Variants in LRRK2 observed in about 807,000 individuals in gnomAD.
LRRK2 encodes leucine-rich repeat serine/threonine-protein kinase 2.
In LRRK2, 203 loss-of-function variants were observed where a neutral mutation model predicts 302.6. The observed-to-expected ratio is 0.67, with a 90% CI of 0.60 to 0.75. LRRK2 has a LOEUF of 0.75. LRRK2 is among the 30% of genes least tolerant of loss of function. The pLI is 0.00. For missense variants in LRRK2, 2,830 were observed against 2,951.0 expected (o/e 0.96, Z 0.95); for synonymous variants, 1,066 against 1,031.9 (o/e 1.03, Z -0.63).
intron 24 of LRRK2, among the ~76,000 whole-genome samples, chr12:40,298,721 G>A (rs1358760211): frequency 9.1e-5 from 13 of 142,566 alleles, no homozygotes; most frequent in South Asian, 2.2e-4. Context: ...GCAGTGAGCC[G>A]AGATCGTGCC....
At chr12:40,242,817 A>AAAAAAAAAAAAAAAAAAT (rs1941794337) in intron 6 of LRRK2, among the ~76,000 whole-genome samples, 1 of 126,162 alleles carries the variant, frequency 7.9e-6, no homozygotes, top group Non-Finnish European at 1.7e-5. Context: ...AAAAAAAAAA[A>AAAAAAAAAAAAAAAAAAT]GGTAAGCAAT....
Position 40,263,805 on chromosome 12 carries a change from C to T in LRRK2, c.1560C>T (p.Ser520=). Residue 520 remains serine (S), a synonymous_variant, in exon 14 of 51, where the codon TCC becomes TCT. Coordinates refer to ENST00000298910, the MANE Select transcript of LRRK2 (RefSeq NM_198578.4). ...HFIVPGMPEE[S]REDTEFHHKL... ...TGCATTTAGGCATGCCAGAAGAATC[C>T]AGGGAGGATACAGAATTTCATCATA... The T allele has an allele frequency of 6.2e-7, 1 of 1,611,882 alleles. No individual in the cohort carries two copies. The highest frequency in any genetic ancestry group is 8.5e-7 in the Non-Finnish European group (1 of 1,178,524).
Position 40,238,056 on chromosome 12 carries a change from A to C in LRRK2, c.524A>C (p.Glu175Ala). Residue 175 changes from glutamate (E) to alanine (A), a missense_variant, in exon 5 of 51, where the codon GAA becomes GCA. By Grantham distance (107) the Glu-to-Ala change is moderately radical (BLOSUM62 -1). Coordinates refer to ENST00000298910, the MANE Select transcript of LRRK2 (RefSeq NM_198578.4). ...ATGCACTCATTTCCAGCCAATGATG[A>C]AGTCCAGAAACTTGGATGCAAAGCT... The part of the protein sequence containing the change: ...DAMHSFPAND[E>A]VQKLGCKALH... 6.2e-7 allele frequency: 1 copy of C among 1,613,774 alleles called. No individual in the cohort carries two copies. Among genetic ancestry groups the C allele is most frequent in the Non-Finnish European group, 8.5e-7 (1 of 1,179,782 alleles).
In LRRK2 at chr12:40,232,171, G is replaced by A; in HGVS notation, c.238-103G>A. The A allele has an allele frequency of 1.1e-5, 9 of 838,876 alleles. 1 individual carries two copies. In the South Asian group the frequency reaches 1.1e-4, roughly 10 times the overall value. 52.0% of individuals were successfully genotyped at this position (838,876 alleles called of 1,614,324 possible). Reference sequence around the variant, plus strand: ...TTGTATAACCATTGTTTACAAGTGAGATAAGCATCTATTCCACTAAGATTG... The same window carrying A: ...TTGTATAACCATTGTTTACAAGTGAAATAAGCATCTATTCCACTAAGATTG... On this transcript the variant is annotated intron_variant, in intron 2 of 50. Transcript: ENST00000298910.
rs33949390 is a variant in LRRK2 at position 40,320,043 on chromosome 12, G to C, written c.4883G>C (p.Arg1628Pro). The C allele has an allele frequency of 9.7e-4, 1,559 of 1,611,674 alleles. 3 individuals are homozygous for C. In the East Asian group the frequency reaches 0.01, roughly 11 times the overall value. Residue 1628 changes from arginine to proline, a missense_variant, in exon 34 of 51, where the codon CGT (arginine) becomes CCT (proline). Physicochemically the swap from Arg to Pro is moderately radical, Grantham distance 103 (BLOSUM62 -2). This residue lies in a region of LRRK2 where 2,121 missense variants were observed against 2,148.0 expected (regional missense o/e 0.99). Transcript: ENST00000298910. ...CPKHPKGIIS[R>P]RDVEKFLSKK... ...AAACACCCTAAGGGCATTATTTCGC[G>C]TAGAGATGTGGAAAAATTTCTTTCA...
rs1387342621 is a variant in LRRK2, at chr12:40,320,979, A to C, written c.5016-55A>C. ...CTTTAAGCAGTAAAATCATTTGCTC[A>C]ACAAGGTTGGGTGTTTTGTGAGGCT... On this transcript the variant is annotated intron_variant, in intron 34 of 50. Coordinates refer to ENST00000298910, the MANE Select transcript of LRRK2 (RefSeq NM_198578.4). 9.4e-6 allele frequency: 15 copies of C among 1,590,892 alleles called. No individual in the cohort carries two copies. The East Asian group carries it at 2.9e-4, about 31-fold the overall frequency.
intron 28 of LRRK2, among the ~76,000 whole-genome samples, chr12:40,308,094 T>G (rs1944897461): frequency 6.6e-6 from 1 of 151,944 alleles, no homozygotes. Context: ...ATTTGTAGGG[T>G]TTTTCATACT....
chr12:40,363,615 C>G, intron 48 of LRRK2, 61 bp downstream of exon 48: 1 of 1,565,968 alleles, frequency 6.4e-7, no homozygotes, highest in Non-Finnish European at 8.7e-7. Context: ...TCATGTGTCA[C>G]AGAGGAAGGA....
chr12:40,338,437 T>A (rs1945940347), intron 40 of LRRK2, among the ~76,000 whole-genome samples: 1 of 152,220 alleles, frequency 6.6e-6, no homozygotes, highest in African/African-American at 2.4e-5. Flanking sequence ...ACTCTTACAA[T>A]AATCACAATC....
At chr12:40,364,461 A>G (rs546195537) in intron 48 of LRRK2, among the ~76,000 whole-genome samples, 90 of 151,930 alleles carry the variant, frequency 5.9e-4, no homozygotes, top group Non-Finnish European at 1.0e-3. Flanking sequence ...GTGAATGACT[A>G]TAATTTTATG....
chr12:40,310,947 C>G (rs892414425), intron 31 of LRRK2, among the ~76,000 whole-genome samples: 1 of 152,104 alleles, frequency 6.6e-6, no homozygotes, highest in African/African-American at 2.4e-5. Flanking sequence ...GATGCCTTTT[C>G]TGATTCAACT....
intron 11 of LRRK2, among the ~76,000 whole-genome samples, chr12:40,255,858 T>C (rs993345851): frequency 3.9e-5 from 6 of 152,214 alleles, no homozygotes; most frequent in Non-Finnish European, 7.3e-5. Flanking sequence ...TAATATGTGA[T>C]ATTCTGAATG....
At chr12:40,253,164 A>G (rs531055689) in intron 11 of LRRK2, 148 bp downstream of exon 11, 1 of 593,554 alleles carries the variant, frequency 1.7e-6, no homozygotes, top group African/African-American at 1.9e-5. Flanking sequence ...GTATTGACAT[A>G]TGGATTATGA....
intron 19 of LRRK2, 52 bp from the exon 20 acceptor site, chr12:40,287,299 A>G: frequency 1.3e-6 from 2 of 1,540,728 alleles, no homozygotes; most frequent in Non-Finnish European, 1.8e-6. Context: ...ATGTATGTTT[A>G]TTTTTGCATA....
chr12:40,308,576 A>C lies in LRRK2; in HGVS notation c.4069A>C (p.Thr1357Pro). ...KTTLLQQLMKTKKSDLGMQSA... is the reference protein window; with the variant it reads ...KTTLLQQLMKPKKSDLGMQSA... ...CACCTTATTGCAGCAATTAATGAAA[A>C]CCAAGAAATCAGATCTTGGAATGCA... The change falls in exon 29 of 51, where the codon ACC (threonine) becomes CCC (proline). Residue 1357 changes from threonine to proline, a missense_variant. By Grantham distance (38) the Thr-to-Pro change is conservative. Around this residue, in one of 3 missense-constraint regions of LRRK2, gnomAD observed 2,121 missense variants for 2,148.0 expected, o/e 0.99. Transcript: ENST00000298910. 1 of 1,614,046 alleles carries C rather than the reference A, an allele frequency of 6.2e-7. No individual in the cohort carries two copies. The highest frequency in any genetic ancestry group is 8.5e-7 in the Non-Finnish European group (1 of 1,179,960).
chr12:40,250,592 A>G (rs1025817464), intron 8 of LRRK2, among the ~76,000 whole-genome samples: 3 of 152,184 alleles, frequency 2.0e-5, no homozygotes, highest in African/African-American at 4.8e-5. Context: ...TGCTATACCT[A>G]TTAACCCATC....
At position 40,249,842 on chromosome 12, in the gene LRRK2, C is replaced by T; in HGVS notation, c.855C>T (p.Ile285=). The change falls in exon 8 of 51, where the codon ATC becomes ATT. Residue 285 remains isoleucine (I), a synonymous_variant. Coordinates refer to ENST00000298910, the MANE Select transcript of LRRK2 (RefSeq NM_198578.4). ...AACTTTTAGGTAATTTTTTCAATAT[C>T]CTGGTATTAAACGAAGTCCATGAGT... ...HRLTLGNFFN[I]LVLNEVHEFV... 6.2e-7 allele frequency: 1 copy of T among 1,613,624 alleles called. No homozygotes were observed. The highest frequency in any genetic ancestry group is 8.5e-7 in the Non-Finnish European group (1 of 1,179,710).
At chr12:40,298,900 ACT>A (rs1944510744) in intron 24 of LRRK2, among the ~76,000 whole-genome samples, 1 of 128,380 alleles carries the variant, frequency 7.8e-6, no homozygotes, top group Non-Finnish European at 1.6e-5. Flanking sequence ...TTATATATAT[ACT>A]ATATATAATA....
Position 40,295,594 on chromosome 12 carries a change from C to G in LRRK2, c.3046C>G (p.Leu1016Val). The change falls in exon 23 of 51, where the codon CTG becomes GTG. Residue 1016 changes from leucine (L) to valine (V), a missense_variant. Coordinates refer to ENST00000298910, the MANE Select transcript of LRRK2 (RefSeq NM_198578.4). Reference sequence around the variant, plus strand: ...TGTTCATTTGGAGCATCTTGAAAAGCTGGAGCTTCACCAGAATGCACTCAC... The same window carrying G: ...TGTTCATTTGGAGCATCTTGAAAAGGTGGAGCTTCACCAGAATGCACTCAC... Reference protein sequence around the residue: ...ISVHLEHLEKLELHQNALTSF... With the variant: ...ISVHLEHLEKVELHQNALTSF... 1 of 1,614,032 alleles carries G rather than the reference C, an allele frequency of 6.2e-7. No homozygotes were observed. The highest frequency in any genetic ancestry group is 8.5e-7 in the Non-Finnish European group (1 of 1,179,962).
Sources: allele counts gnomAD v4.1 joint callset (sites outside exome capture counted in the v4.1 genomes callset), GRCh38; gene constraint gnomAD v4.1.1; regional missense constraint gnomAD v4.1.1; transcripts MANE v1.5; gene names NCBI Gene and HGNC (gene_info 2026-07-23, HGNC 2026-07-21).